The following APP variants were observed in gnomAD, a reference collection of about 807,000 sequenced individuals.
The protein encoded by APP is amyloid beta precursor protein.
APP carries 31 observed loss-of-function variants against 101.4 expected under a neutral mutation model. The ratio of observed to expected loss-of-function variants is 0.31; its 90% CI spans 0.23 to 0.41. The LOEUF is 0.41. APP is among the 10% of genes least tolerant of loss of function. The pLI is 1.00. For missense variants in APP, 839 were observed against 1,003.7 expected, an observed-to-expected ratio of 0.84 and a Z score of 2.22; for synonymous variants, 366 against 364.4, an observed-to-expected ratio of 1.00 and a Z score of -0.05.
chr21:26,053,329 A>G lies in APP; in HGVS notation c.375T>C (p.Asp125=), dbSNP rs142154215. ...YRCLVGEFVS[D]ALLVPDKCKF... ...TGCACTTGTCAGGAACGAGAAGGGC[A>G]TCACTTACAAACTCACCAACTGAAA... Residue 125 remains aspartate, a synonymous_variant, in exon 4 of 18, where the codon GAT becomes GAC. Coordinates refer to ENST00000346798, the MANE Select transcript of APP (RefSeq NM_000484.4). The G allele has an allele frequency of 1.2e-6, 2 of 1,613,056 alleles. No homozygotes were observed. Among genetic ancestry groups the G allele is most frequent in the Non-Finnish European group, 1.7e-6 (2 of 1,179,116 alleles).
intron 1 of APP, among the ~76,000 whole-genome samples, chr21:26,141,855 T>C (rs1280344153): frequency 6.6e-6 from 1 of 152,134 alleles, no homozygotes; most frequent in African/African-American, 2.4e-5. Flanking sequence ...AATGAAGCAT[T>C]CAAAAATTCA....
chr21:26,109,320 T>C (rs1003339085), intron 2 of APP, among the ~76,000 whole-genome samples: 2 of 152,012 alleles, frequency 1.3e-5, no homozygotes, highest in African/African-American at 4.8e-5. Context: ...ATGGGGGTGG[T>C]TTCAATGTTT....
At chr21:26,054,125 A>G (rs896980863) in intron 3 of APP, among the ~76,000 whole-genome samples, 1 of 152,234 alleles carries the variant, frequency 6.6e-6, no homozygotes, top group Non-Finnish European at 1.5e-5. Flanking sequence ...GTAGGCAATA[A>G]ATATCTGTTA....
intron 1 of APP, among the ~76,000 whole-genome samples, chr21:26,138,646 T>C (rs924270784): frequency 3.3e-5 from 5 of 152,082 alleles, no homozygotes; most frequent in African/African-American, 7.2e-5. Flanking sequence ...TAAGCCATGA[T>C]GACTCCATGG....
intron 1 of APP, among the ~76,000 whole-genome samples, chr21:26,139,932 A>G (rs2063004423): frequency 6.6e-6 from 1 of 152,228 alleles, no homozygotes; most frequent in African/African-American, 2.4e-5. Flanking sequence ...TTTTCTGGCA[A>G]AGTAAGAGTA....
chr21:26,086,668 A>G (rs1333369139), intron 3 of APP, among the ~76,000 whole-genome samples: 1 of 152,216 alleles, frequency 6.6e-6, no homozygotes, highest in African/African-American at 2.4e-5. Context: ...AGCAGGAATA[A>G]TATGTAAGAA....
rs71183520 is a variant in APP at position 25,900,987 on chromosome 21, C to CAAAAAAAAAAAAA, written c.1964-3327_1964-3315dup. Among the ~76,000 whole-genome samples, 175 of 118,530 alleles carry CAAAAAAAAAAAAA rather than the reference C, an allele frequency of 1.5e-3. 5 individuals carry two copies. Among genetic ancestry groups the CAAAAAAAAAAAAA allele is most frequent in the African/African-American group, 8.0e-3 (169 of 21,250 alleles). 77.8% of individuals were successfully genotyped at this position (118,530 alleles called of 152,430 possible). On this transcript the variant is annotated intron_variant, in intron 15 of 17. Coordinates refer to ENST00000346798, the MANE Select transcript of APP (RefSeq NM_000484.4). ...TGGGCGACAGAGTGAGACTCCATCT[C>CAAAAAAAAAAAAA]AAAAAAAAAAAAAAAAAGAATGAGC...
intron 6 of APP, among the ~76,000 whole-genome samples, chr21:26,013,111 G>A (rs2043888469): frequency 2.6e-5 from 4 of 152,314 alleles, no homozygotes; most frequent in African/African-American, 9.6e-5. Flanking sequence ...GAGGTCAGGA[G>A]TTCAAGACCA....
At chr21:26,128,981 A>C (rs942717712) in intron 1 of APP, among the ~76,000 whole-genome samples, 3 of 152,220 alleles carry the variant, frequency 2.0e-5, no homozygotes, top group Non-Finnish European at 4.4e-5. Context: ...TGCAGAAATG[A>C]TGATTATAAT....
chr21:25,940,257 A>G (rs1464966014), intron 13 of APP, among the ~76,000 whole-genome samples: 1 of 152,148 alleles, frequency 6.6e-6, no homozygotes, highest in African/African-American at 2.4e-5. Flanking sequence ...TTATAAAAAT[A>G]TTAGTAGTAG....
intron 11 of APP, among the ~76,000 whole-genome samples, chr21:25,966,099 C>A (rs1211318752): frequency 1.3e-5 from 2 of 152,126 alleles, no homozygotes; most frequent in Non-Finnish European, 2.9e-5. Flanking sequence ...TTAATTAAAC[C>A]CAGAAACCAC....
At chr21:26,032,402 T>C (rs922690908) in intron 5 of APP, among the ~76,000 whole-genome samples, 5 of 152,204 alleles carry the variant, frequency 3.3e-5, no homozygotes, top group Non-Finnish European at 7.3e-5. Flanking sequence ...TCTAGTTATG[T>C]AGATCCTAGA....
chr21:26,046,378 C>T (rs773630484), intron 5 of APP, among the ~76,000 whole-genome samples: 5 of 150,930 alleles, frequency 3.3e-5, no homozygotes, highest in Non-Finnish European at 7.4e-5. Context: ...CCACTGTACT[C>T]CAGCCTGGGC....
chr21:26,146,072 G>A (rs925540727), intron 1 of APP, among the ~76,000 whole-genome samples: 2 of 152,186 alleles, frequency 1.3e-5, no homozygotes, highest in Admixed American at 6.5e-5. Flanking sequence ...AAAAATTTCT[G>A]TACCAGCTGC....
intron 14 of APP, among the ~76,000 whole-genome samples, chr21:25,908,384 A>G (rs2829981): frequency 0.25 from 38,228 of 152,170 alleles, 8,217 homozygotes; most frequent in African/African-American, 0.59. Context: ...AAAACAACAA[A>G]TTTTTGGTAA....
intron 1 of APP, 61 bp downstream of exon 1, chr21:26,170,503 T>C: frequency 6.6e-7 from 1 of 1,506,756 alleles, no homozygotes; most frequent in Non-Finnish European, 8.9e-7. Flanking sequence ...GGTTAAGGTC[T>C]TGGGGGGTAT....
intron 13 of APP, among the ~76,000 whole-genome samples, chr21:25,951,939 G>A (rs1451907049): frequency 1.3e-5 from 2 of 152,066 alleles, no homozygotes; most frequent in Non-Finnish European, 2.9e-5. Context: ...ACCCAGAAAA[G>A]CTATTCTCCC....
chr21:25,918,181 T>A (rs1202251597), intron 13 of APP, among the ~76,000 whole-genome samples: 1 of 152,240 alleles, frequency 6.6e-6, no homozygotes, highest in Non-Finnish European at 1.5e-5. Flanking sequence ...TTACTGGGAA[T>A]ATACCCAAAG....
intron 13 of APP, among the ~76,000 whole-genome samples, chr21:25,916,240 G>A (rs1309937916): frequency 1.3e-5 from 2 of 152,188 alleles, no homozygotes; most frequent in African/African-American, 2.4e-5. Flanking sequence ...GACCTCAGGC[G>A]ATCTGCCTGC....
Sources: gnomAD v4.1 joint callset for allele counts (sites outside exome capture counted in the v4.1 genomes callset) on GRCh38, gnomAD v4.1.1 for gene constraint, MANE v1.5 for transcripts, NCBI Gene and HGNC (gene_info 2026-07-23, HGNC 2026-07-21) for gene names.